The following SCML2 variants were observed in gnomAD, a reference collection of about 807,000 sequenced individuals.
The protein encoded by SCML2 is sex comb on midleg-like protein 2.
SCML2 carries 6 observed loss-of-function variants against 48.4 expected under a neutral mutation model. The ratio of observed to expected loss-of-function variants is 0.12; its 90% CI spans 0.07 to 0.24. The LOEUF (loss-of-function observed/expected upper bound fraction) is 0.24, where lower values mean the gene tolerates loss of function less well. Ranked by LOEUF, SCML2 falls within the 10% of genes least tolerant of loss-of-function variation. SCML2 has a pLI of 1.00. For synonymous variants in SCML2, 181 were observed against 189.5 expected (o/e 0.95, Z 0.37); for missense variants, 377 against 528.2 (o/e 0.71, Z 2.81).
Position 18,328,546 on chromosome X carries a change from C to A in SCML2, c.91+2041G>T, listed in dbSNP as rs752918838. Among the ~76,000 whole-genome samples the A allele has an allele frequency of 1.2e-3, 130 of 111,271 alleles. 1 individual carries two copies. The highest frequency in any genetic ancestry group is 4.6e-3 in the Middle Eastern group (1 of 216). On this transcript the variant is annotated intron_variant, in intron 3 of 14. Transcript: ENST00000251900. ...AAATTGCCAGGCATGGTAGTGCACGCCTGTGGTCCCACATACTCGGGAGGC... is the reference window on the plus strand; with the variant it reads ...AAATTGCCAGGCATGGTAGTGCACGACTGTGGTCCCACATACTCGGGAGGC...
chrX:18,275,008 T>C (rs1297849020), intron 7 of SCML2, among the ~76,000 whole-genome samples: 1 of 111,945 alleles, frequency 8.9e-6, no homozygotes, highest in Non-Finnish European at 1.9e-5. Flanking sequence ...TTTCAACCAA[T>C]TGCCAATTCG....
At chrX:18,286,394 C>T (rs1411580234) in intron 7 of SCML2, among the ~76,000 whole-genome samples, 1 of 112,054 alleles carries the variant, frequency 8.9e-6, no homozygotes, top group African/African-American at 3.2e-5. Flanking sequence ...CGCAGGCTCA[C>T]TGCATGCCAG....
intron 6 of SCML2, among the ~76,000 whole-genome samples, chrX:18,315,101 CAAAAAAAAAAAA>C (rs761378739): frequency 2.6e-4 from 6 of 23,444 alleles, no homozygotes; most frequent in Non-Finnish European, 5.0e-4. Context: ...TCTGTCTCAC[CAAAAAAAAAAAA>C]AAAAAAAAAA....
At position 18,250,547 on chromosome X, in the gene SCML2, A is replaced by AT. The variant is rs990429125; in HGVS notation, c.1457-2666dup. Among the ~76,000 whole-genome samples the AT allele has an allele frequency of 1.7e-4, 18 of 107,989 alleles. No individual in the cohort carries two copies. The East Asian group carries it at 2.0e-3, about 12-fold the overall frequency. 93.8% of individuals were successfully genotyped at this position (107,989 alleles called of 115,157 possible). On this transcript the variant is annotated intron_variant, in intron 11 of 14. Coordinates refer to ENST00000251900, the MANE Select transcript of SCML2 (RefSeq NM_006089.3). The stretch of plus-strand genomic sequence containing the variant: ...CAGGCACCCGCCACCACACCTGGCA[A>AT]TTTTTTTTTGTATTTTTAGTAGAGA...
In SCML2 at chrX:18,315,085, G is replaced by A. The variant is rs749292099; in HGVS notation, c.486+5247C>T. Reference sequence around the variant, plus strand: ...CTGCACTCCAGCCTAGGCAACAGAGGGAGACTCTGTCTCACCAAAAAAAAA... The same window carrying A: ...CTGCACTCCAGCCTAGGCAACAGAGAGAGACTCTGTCTCACCAAAAAAAAA... On this transcript the variant is annotated intron_variant, in intron 6 of 14. Coordinates refer to ENST00000251900, the MANE Select transcript of SCML2 (RefSeq NM_006089.3). 2.4e-3 allele frequency among the ~76,000 whole-genome samples: 223 copies of A among 92,175 alleles called. 1 individual carries two copies. Among genetic ancestry groups the A allele is most frequent in the African/African-American group, 9.1e-3 (216 of 23,715 alleles). The allele number at this position is 92,175 out of a possible 115,157, so 80.0% of individuals were successfully genotyped here.
In SCML2 at chrX:18,240,537, A is replaced by G. The variant is rs1329449762; in HGVS notation, c.*714T>C. 1.8e-5 allele frequency: 2 copies of G among 112,169 alleles called. No individual in the cohort carries two copies. Among genetic ancestry groups the G allele is most frequent in the African/African-American group, 6.5e-5 (2 of 30,911 alleles). 9.2% of individuals were successfully genotyped at this position (112,169 alleles called of 1,213,427 possible). On this transcript the variant is annotated 3_prime_UTR_variant, in exon 15 of 15. Coordinates refer to ENST00000251900, the MANE Select transcript of SCML2 (RefSeq NM_006089.3). ...CATCCAAACAACCCTCGTAGTATAA[A>G]TATCTCCTGCATAAAATGACAATTC...
At chrX:18,267,894 C>T (rs1927311048) in intron 7 of SCML2, among the ~76,000 whole-genome samples, 1 of 111,227 alleles carries the variant, frequency 9.0e-6, no homozygotes, top group African/African-American at 3.3e-5. Context: ...CTGCGCCCAG[C>T]CCTTTTTTGT....
At chrX:18,335,059 T>C (rs988944224) in intron 1 of SCML2, among the ~76,000 whole-genome samples, 4 of 111,094 alleles carry the variant, frequency 3.6e-5, no homozygotes, top group African/African-American at 9.8e-5. Flanking sequence ...AATTAAAGAC[T>C]ATAGCCCAGT....
chrX:18,337,978 T>C (rs983161444), intron 1 of SCML2, among the ~76,000 whole-genome samples: 3 of 111,921 alleles, frequency 2.7e-5, no homozygotes, highest in African/African-American at 9.7e-5. Context: ...CTCCCAAATA[T>C]TTGGAGATTA....
chrX:18,266,653 C>T (rs1927267175), intron 7 of SCML2, among the ~76,000 whole-genome samples: 1 of 112,370 alleles, frequency 8.9e-6, no homozygotes, highest in Non-Finnish European at 1.9e-5. Flanking sequence ...AACATTTATA[C>T]ATCTATGCAA....
chrX:18,283,648 C>G, intron 7 of SCML2, among the ~76,000 whole-genome samples: 1 of 112,021 alleles, frequency 8.9e-6, no homozygotes, highest in East Asian at 2.8e-4. Context: ...CCAATAATAT[C>G]CAGGCTTAGA....
At chrX:18,271,891 T>TG (rs1326085724) in intron 7 of SCML2, among the ~76,000 whole-genome samples, 2 of 110,569 alleles carry the variant, frequency 1.8e-5, no homozygotes, top group Non-Finnish European at 3.8e-5. Flanking sequence ...TGCTGCCCAA[T>TG]GCCTCTGCTT....
intron 1 of SCML2, among the ~76,000 whole-genome samples, chrX:18,351,936 C>G (rs778694729): frequency 1.8e-5 from 2 of 111,584 alleles, no homozygotes; most frequent in East Asian, 5.6e-4. Context: ...CTTTTCAAGG[C>G]ACTTTACCAT....
At chrX:18,286,587 A>C (rs1602106678) in intron 7 of SCML2, among the ~76,000 whole-genome samples, 1 of 111,344 alleles carries the variant, frequency 9.0e-6, no homozygotes, top group East Asian at 2.9e-4. Flanking sequence ...TCAGAAACAC[A>C]CAGTGTCTAC....
At chrX:18,268,628 G>A (rs1179227028) in intron 7 of SCML2, among the ~76,000 whole-genome samples, 1 of 106,431 alleles carries the variant, frequency 9.4e-6, no homozygotes, top group Admixed American at 1.0e-4. Context: ...TCGGTGGGGG[G>A]AGGGAGGAGG....
chrX:18,239,725 G>A lies in SCML2; in HGVS notation c.*1526C>T, dbSNP rs1469382605. 1 of 111,558 alleles carries A rather than the reference G, an allele frequency of 9.0e-6. No individual in the cohort carries two copies. Among genetic ancestry groups the A allele is most frequent in the Non-Finnish European group, 1.9e-5 (1 of 53,042 alleles). 9.2% of individuals were successfully genotyped at this position (111,558 alleles called of 1,213,427 possible). A position where few individuals can be genotyped will look rare whatever the true frequency, so the allele number is the denominator to read the frequency against. ...ACTTATAAAATAAAGCCCCAAACAT[G>A]GCTGGGCATGGTGGCTCATGCCTGT... On this transcript the variant is annotated 3_prime_UTR_variant, in exon 15 of 15. Transcript: ENST00000251900.
intron 3 of SCML2, among the ~76,000 whole-genome samples, chrX:18,325,841 TAAA>T (rs1010138041): frequency 1.8e-5 from 2 of 112,043 alleles, no homozygotes; most frequent in Non-Finnish European, 3.8e-5. Context: ...TTCCTCACTA[TAAA>T]AATATTGGGT....
intron 3 of SCML2, among the ~76,000 whole-genome samples, chrX:18,327,680 A>T (rs936728384): frequency 5.4e-5 from 6 of 112,030 alleles, no homozygotes; most frequent in Non-Finnish European, 9.4e-5. Context: ...TTTTCTATCA[A>T]ATTACTGGTT....
chrX:18,246,610 C>A lies in SCML2; in HGVS notation c.1789G>T (p.Glu597Ter). 1 of 1,205,592 alleles carries A rather than the reference C, an allele frequency of 8.3e-7. No individual in the cohort carries two copies. The stretch of plus-strand genomic sequence containing the variant: ...TTCCTCTGCATTTGGAATTTAACTT[C>A]ATGGGGACTGCTCTTGGGGGATATG... Reference protein sequence around the residue: ...GDISPKSSPHEVKFQMQRKSE... With the variant: ...GDISPKSSPH The change falls in exon 13 of 15, where the codon GAA becomes TAA. Residue 597 changes from glutamate to a stop codon, truncating the protein, a stop_gained. Transcript: ENST00000251900. LOFTEE classifies it high-confidence loss of function.
Sources: allele counts gnomAD v4.1 joint callset (sites outside exome capture counted in the v4.1 genomes callset), GRCh38; gene constraint gnomAD v4.1.1; transcripts MANE v1.5; gene names NCBI Gene and HGNC (gene_info 2026-07-23, HGNC 2026-07-21).